Variants in PLCE1 observed in about 807,000 individuals in gnomAD.
PLCE1 encodes the protein 1-phosphatidylinositol 4,5-bisphosphate phosphodiesterase epsilon-1.
PLCE1 carries 119 observed loss-of-function variants against 242.8 expected under a neutral mutation model. The ratio of observed to expected loss-of-function variants is 0.49; its 90% confidence interval spans 0.42 to 0.57. PLCE1 has a LOEUF of 0.57. PLCE1 is among the 20% of genes least tolerant of loss of function. PLCE1 has a pLI of 0.00. For missense variants in PLCE1, 2,441 were observed against 2,788.8 expected (o/e 0.88, Z 2.81); for synonymous variants, 945 against 1,017.4 (o/e 0.93, Z 1.35).
At chr10:94,041,275 C>T (rs2061762736) in intron 2 of PLCE1, among the ~76,000 whole-genome samples, 1 of 152,160 alleles carries the variant, frequency 6.6e-6, no homozygotes, top group South Asian at 2.1e-4. Context: ...CTGCTGTCTC[C>T]TTCTTTCCTT....
At chr10:94,078,510 C>CA (rs1179001761) in intron 2 of PLCE1, among the ~76,000 whole-genome samples, 2 of 150,708 alleles carry the variant, frequency 1.3e-5, no homozygotes, top group Non-Finnish European at 2.9e-5. Context: ...TTTTTTGAGA[C>CA]AGAGTCTCGC....
intron 1 of PLCE1, among the ~76,000 whole-genome samples, chr10:94,006,494 C>T (rs1033119688): frequency 7.9e-5 from 12 of 152,202 alleles, no homozygotes; most frequent in African/African-American, 1.7e-4. Flanking sequence ...ACATGTTTAC[C>T]TAGCCATTCT....
At chr10:94,033,694 T>C (rs2061607784) in intron 2 of PLCE1, among the ~76,000 whole-genome samples, 1 of 152,142 alleles carries the variant, frequency 6.6e-6, no homozygotes, top group Admixed American at 6.6e-5. Flanking sequence ...TCAGACCTTA[T>C]CTGTACATCT....
intron 3 of PLCE1, among the ~76,000 whole-genome samples, chr10:94,158,391 C>G (rs2047498479): frequency 6.6e-6 from 1 of 152,132 alleles, no homozygotes; most frequent in Admixed American, 6.6e-5. Context: ...TGAATTTTGA[C>G]TCAAGTATTC....
intron 31 of PLCE1, 63 bp downstream of exon 31, chr10:94,324,630 C>A: frequency 7.6e-7 from 1 of 1,318,162 alleles, no homozygotes; most frequent in Non-Finnish European, 1.1e-6. Flanking sequence ...TACACTGTAG[C>A]CAGATCTGGA....
intron 4 of PLCE1, among the ~76,000 whole-genome samples, chr10:94,188,032 C>A (rs2048538010): frequency 1.3e-5 from 2 of 152,224 alleles, no homozygotes; most frequent in African/African-American, 4.8e-5. Context: ...GTACTCACAG[C>A]TACCATGAGG....
At chr10:94,167,171 A>G (rs970999915) in intron 3 of PLCE1, among the ~76,000 whole-genome samples, 1 of 152,172 alleles carries the variant, frequency 6.6e-6, no homozygotes, top group Admixed American at 6.5e-5. Flanking sequence ...CACGCCTGTA[A>G]TCCCAGCTAC....
chr10:94,137,937 A>T (rs1590103502), intron 3 of PLCE1: 1 of 391,070 alleles, frequency 2.6e-6, no homozygotes, highest in East Asian at 6.9e-5. Flanking sequence ...ACCAAGTACC[A>T]CAGTGATGAC....
chr10:94,326,932 G>A (rs541828595), intron 32 of PLCE1, among the ~76,000 whole-genome samples: 108 of 152,122 alleles, frequency 7.1e-4, no homozygotes, highest in Non-Finnish European at 1.1e-3. Context: ...AGGCCAAGGC[G>A]GGCAGATCAC....
At chr10:94,149,742 AT>A (rs1344993863) in intron 3 of PLCE1, among the ~76,000 whole-genome samples, 3 of 152,072 alleles carry the variant, frequency 2.0e-5, no homozygotes, top group Non-Finnish European at 4.4e-5. Context: ...AAAGTGTTTG[AT>A]TCTCTTTGGC....
At chr10:94,029,973 A>G (rs1589880688) in intron 1 of PLCE1, among the ~76,000 whole-genome samples, 1 of 152,208 alleles carries the variant, frequency 6.6e-6, no homozygotes. Context: ...CCCTCTCTCT[A>G]CTAACAGAGT....
At chr10:94,313,513 C>T in intron 28 of PLCE1, 131 bp downstream of exon 28, 7 of 1,009,610 alleles carry the variant, frequency 6.9e-6, no homozygotes, top group Non-Finnish European at 9.3e-6. Context: ...GGATGATATG[C>T]CTTTTGATTA....
intron 4 of PLCE1, among the ~76,000 whole-genome samples, chr10:94,186,205 G>T (rs1228932876): frequency 1.3e-5 from 2 of 152,138 alleles, no homozygotes; most frequent in African/African-American, 4.8e-5. Context: ...CATCTGTTCT[G>T]AACAGTGAGT....
At chr10:94,138,750 A>T in intron 3 of PLCE1, 1 of 244,212 alleles carries the variant, frequency 4.1e-6, no homozygotes, top group Admixed American at 5.1e-5. Flanking sequence ...CCATATAATG[A>T]CTACTTCAAA....
intron 1 of PLCE1, among the ~76,000 whole-genome samples, 83 bp downstream of exon 1, chr10:93,994,341 C>G (rs949902578): frequency 6.6e-6 from 1 of 152,344 alleles, no homozygotes; most frequent in South Asian, 2.1e-4. Flanking sequence ...GCAGTCGACC[C>G]GCCTAAGGGA....
In PLCE1 at chr10:94,078,994, G is replaced by C. The variant is rs573707888; in HGVS notation, c.1206+46742G>C. 7.9e-4 allele frequency among the ~76,000 whole-genome samples: 120 copies of C among 152,328 alleles called. 1 individual carries two copies. The highest frequency in any genetic ancestry group is 1.4e-3 in the South Asian group (7 of 4,828). On this transcript the variant is annotated intron_variant, in intron 2 of 32. Transcript: ENST00000371380. ...AGAGGCAGAACCCAAATCTGCAGCT[G>C]TAGGTGCTACATCCCTCCACGGTGT...
chr10:94,097,702 C>T (rs993382161), intron 2 of PLCE1, among the ~76,000 whole-genome samples: 9 of 152,090 alleles, frequency 5.9e-5, no homozygotes, highest in African/African-American at 2.2e-4. Context: ...GCTTGGTGGT[C>T]TAGTATTTTG....
intron 21 of PLCE1, 123 bp downstream of exon 21, chr10:94,284,034 C>A: frequency 8.7e-7 from 1 of 1,155,158 alleles, no homozygotes; most frequent in Non-Finnish European, 1.3e-6. Context: ...CCTTAGATAC[C>A]TGCCAAAGTT....
At chr10:94,138,104 CTT>C (rs2046842556) in intron 3 of PLCE1, 1 of 360,524 alleles carries the variant, frequency 2.8e-6, no homozygotes, top group Non-Finnish European at 5.4e-6. Flanking sequence ...TTCTGTGAAA[CTT>C]AATGAGTGGC....
Sources: allele counts gnomAD v4.1 joint callset (sites outside exome capture counted in the v4.1 genomes callset), GRCh38; gene constraint gnomAD v4.1.1; transcripts MANE v1.5; gene names NCBI Gene and HGNC (gene_info 2026-07-23, HGNC 2026-07-21).